Variants in LMF1 observed in about 807,000 individuals in gnomAD.
LMF1 encodes the protein lipase maturation factor 1.
A neutral mutation model predicts 60.6 loss-of-function variants in LMF1; 68 were observed. That is an observed-to-expected ratio of 1.12 (90% CI 0.92 to 1.37). LMF1 has a LOEUF of 1.37. Among genes scored for constraint, LMF1 ranks in the 40% most tolerant of loss-of-function variants. The probability of loss-of-function intolerance (pLI) is 0.00; values close to 1 mark genes in which losing one functional copy is unlikely to be tolerated. For synonymous variants in LMF1, 418 were observed against 324.7 expected, an observed-to-expected ratio of 1.29 and a Z score of -3.09; for missense variants, 948 against 767.2, an observed-to-expected ratio of 1.24 and a Z score of -2.78.
intron 3 of LMF1, among the ~76,000 whole-genome samples, chr16:917,328 A>G (rs531165827): frequency 1.0e-5 from 1 of 97,954 alleles, no homozygotes; most frequent in Non-Finnish European, 2.0e-5. Context: ...AAGAAATGCC[A>G]CATGTGTGCA....
intron 4 of LMF1, among the ~76,000 whole-genome samples, chr16:893,990 C>G (rs1370793840): frequency 1.3e-5 from 2 of 151,614 alleles, no homozygotes; most frequent in East Asian, 3.9e-4. Flanking sequence ...TCCACCTGTC[C>G]ACCCCACTGT....
At chr16:890,057 C>A (rs2070434431) in intron 5 of LMF1, among the ~76,000 whole-genome samples, 1 of 152,200 alleles carries the variant, frequency 6.6e-6, no homozygotes, top group Non-Finnish European at 1.5e-5. Flanking sequence ...CACACACTGC[C>A]CCCTGTACCT....
At chr16:863,331 C>T (rs111677672) in intron 10 of LMF1, among the ~76,000 whole-genome samples, 1,665 of 152,048 alleles carry the variant, frequency 0.011, 31 homozygotes, top group African/African-American at 0.038. Context: ...TAGTAGAGAC[C>T]GGGTTTCACC....
intron 3 of LMF1, 102 bp from the exon 4 acceptor site, chr16:911,181 G>A: frequency 7.4e-7 from 1 of 1,347,272 alleles, no homozygotes; most frequent in South Asian, 1.3e-5. Flanking sequence ...CCTTGAGACA[G>A]GGCTGATCTT....
chr16:963,721 C>T (rs763500670), intron 1 of LMF1, among the ~76,000 whole-genome samples: 1 of 152,140 alleles, frequency 6.6e-6, no homozygotes, highest in African/African-American at 2.4e-5. Flanking sequence ...AACTCCAGGA[C>T]CACAGAGGAA....
chr16:864,661 T>C (rs1027392668), intron 10 of LMF1, among the ~76,000 whole-genome samples: 1 of 146,738 alleles, frequency 6.8e-6, no homozygotes, highest in Non-Finnish European at 1.5e-5. Context: ...TAAGTTACTA[T>C]CTTTTTTTTT....
intron 1 of LMF1, chr16:979,446 C>T (rs971105132): frequency 5.6e-6 from 2 of 357,466 alleles, no homozygotes; most frequent in African/African-American, 4.3e-5. Context: ...CCAGCACCTC[C>T]CCTGGTGATC....
chr16:970,363 C>T (rs117760014), intron 1 of LMF1, among the ~76,000 whole-genome samples: 9,294 of 152,286 alleles, frequency 0.061, 354 homozygotes, highest in Non-Finnish European at 0.087. Flanking sequence ...CGCCTCGCCT[C>T]TCCAGGCCGC....
chr16:922,637 C>A, intron 3 of LMF1, among the ~76,000 whole-genome samples: 1 of 123,604 alleles, frequency 8.1e-6, no homozygotes, highest in Non-Finnish European at 1.7e-5. Flanking sequence ...GTTGCGAAGG[C>A]CCTGTGTGAA....
At chr16:913,333 C>T (rs143097004) in intron 3 of LMF1, among the ~76,000 whole-genome samples, 1 of 152,356 alleles carries the variant, frequency 6.6e-6, no homozygotes, top group East Asian at 1.9e-4. Flanking sequence ...ACATTCACTT[C>T]CACGGCCGCT....
At chr16:926,170 G>T (rs1004695190) in intron 3 of LMF1, among the ~76,000 whole-genome samples, 1 of 151,526 alleles carries the variant, frequency 6.6e-6, no homozygotes, top group African/African-American at 2.4e-5. Context: ...GTGCATACGC[G>T]TGTGCACACA....
chr16:910,107 C>A (rs930908285), intron 4 of LMF1, among the ~76,000 whole-genome samples: 1 of 152,242 alleles, frequency 6.6e-6, no homozygotes, highest in Non-Finnish European at 1.5e-5. Context: ...AGCGGAAGAG[C>A]AGGTGAGAGC....
In LMF1 at chr16:908,317, C is replaced by T. The variant is rs375828336; in HGVS notation, c.663+2614G>A. 2.6e-4 allele frequency among the ~76,000 whole-genome samples: 40 copies of T among 152,354 alleles called. No individual in the cohort carries two copies. In the South Asian group the frequency reaches 2.7e-3, roughly 10 times the overall value. ...AAGTAAACCCGGAGACAGCATCCCA[C>T]TTTCCTGCGCGATCTGGATGCCGGG... On this transcript the variant is annotated intron_variant, in intron 4 of 10. Coordinates refer to ENST00000262301, the MANE Select transcript of LMF1 (RefSeq NM_022773.4).
chr16:912,295 TG>T (rs1417679210), intron 3 of LMF1, among the ~76,000 whole-genome samples: 1 of 151,002 alleles, frequency 6.6e-6, no homozygotes, highest in African/African-American at 2.4e-5. Flanking sequence ...CGGAGGCTTG[TG>T]GGGGCAGTGT....
At chr16:959,060 A>G (rs1464101669) in intron 1 of LMF1, among the ~76,000 whole-genome samples, 5 of 152,172 alleles carry the variant, frequency 3.3e-5, no homozygotes, top group Non-Finnish European at 5.9e-5. Flanking sequence ...CTTACAAATC[A>G]GCTACTGCAC....
chr16:879,227 G>A (rs742462), intron 6 of LMF1, among the ~76,000 whole-genome samples: 2,241 of 152,326 alleles, frequency 0.015, 18 homozygotes, highest in Middle Eastern at 0.044. Context: ...AGAATCTTAG[G>A]AGTGGATCCC....
chr16:879,648 G>A lies in LMF1; in HGVS notation c.819C>T (p.Ile273=), dbSNP rs764289696. The A allele has an allele frequency of 8.7e-6, 14 of 1,612,960 alleles. No individual in the cohort carries two copies. The highest frequency in any genetic ancestry group is 3.3e-5 in the Admixed American group (2 of 59,872). ...AGAGGAAGAAGGGCACCAGGAGCTC[G>A]ATGAAGTGGTTGCTGAGCGTCTCGA... ...HRFETLSNHF[I]ELLVPFFLFL... Residue 273 remains isoleucine, a synonymous_variant, in exon 6 of 11, where the codon ATC becomes ATT. Coordinates refer to ENST00000262301, the MANE Select transcript of LMF1 (RefSeq NM_022773.4).
intron 4 of LMF1, chr16:905,235 A>G (rs1435384611): frequency 1.9e-5 from 3 of 156,140 alleles, no homozygotes; most frequent in South Asian, 1.5e-4. Context: ...CACCGCCCAC[A>G]GGATGCCTGT....
At chr16:866,107 A>G (rs1374805651) in intron 10 of LMF1, among the ~76,000 whole-genome samples, 5 of 152,184 alleles carry the variant, frequency 3.3e-5, no homozygotes, top group Non-Finnish European at 7.3e-5. Flanking sequence ...TCTTGGTGCT[A>G]TCATCTGTCG....
Sources: gnomAD v4.1 joint callset for allele counts (sites outside exome capture counted in the v4.1 genomes callset) on GRCh38, gnomAD v4.1.1 for gene constraint, MANE v1.5 for transcripts, NCBI Gene and HGNC (gene_info 2026-07-23, HGNC 2026-07-21) for gene names.